The following MYO16 variants were observed in gnomAD, a reference collection of about 807,000 sequenced individuals.
The protein encoded by MYO16 is unconventional myosin-XVI.
A neutral mutation model predicts 205.3 loss-of-function variants in MYO16; 94 were observed. That is an observed-to-expected ratio of 0.46 (90% CI 0.39 to 0.54). MYO16 has a LOEUF of 0.54. MYO16 is among the 20% of genes least tolerant of loss of function. The pLI is 0.00. For synonymous variants in MYO16, 988 were observed against 954.0 expected (o/e 1.04, Z -0.66); for missense variants, 2,315 against 2,387.5 (o/e 0.97, Z 0.63).
At chr13:108,911,920 C>T (rs1340527157) in intron 16 of MYO16, among the ~76,000 whole-genome samples, 1 of 152,164 alleles carries the variant, frequency 6.6e-6, no homozygotes, top group Non-Finnish European at 1.5e-5. Context: ...TGGCTGTGGC[C>T]TGAGCAACAC....
intron 1 of MYO16, among the ~76,000 whole-genome samples, chr13:108,639,981 G>A (rs207474431): frequency 1.3e-5 from 2 of 152,214 alleles, no homozygotes; most frequent in African/African-American, 4.8e-5. Flanking sequence ...GCTTGGGCAT[G>A]CCAAGTCCCA....
chr13:108,560,560 T>C, the MYO16 span, among the ~76,000 whole-genome samples: 1 of 152,222 alleles, frequency 6.6e-6, no homozygotes. Context: ...TTTGCACTTA[T>C]TTCAGATAAC....
At chr13:108,818,801 CA>C (rs1875783998) in intron 7 of MYO16, among the ~76,000 whole-genome samples, 2 of 152,122 alleles carry the variant, frequency 1.3e-5, no homozygotes, top group African/African-American at 4.8e-5. Context: ...GCAAAACTGG[CA>C]AATCCCTAGA....
intron 11 of MYO16, among the ~76,000 whole-genome samples, chr13:108,856,185 T>G (rs1178899576): frequency 6.8e-6 from 1 of 147,434 alleles, no homozygotes; most frequent in Non-Finnish European, 1.5e-5. Context: ...AAAATCAATC[T>G]CTTTCTCTTT....
At chr13:109,152,392 A>G (rs114867075) in intron 32 of MYO16, among the ~76,000 whole-genome samples, 5 of 152,292 alleles carry the variant, frequency 3.3e-5, no homozygotes, top group African/African-American at 9.6e-5. Context: ...AATCACTTAC[A>G]TGTCATTCCA....
chr13:108,783,058 A>G (rs959553346), intron 4 of MYO16, among the ~76,000 whole-genome samples: 19 of 152,078 alleles, frequency 1.2e-4, no homozygotes, highest in African/African-American at 4.3e-4. Flanking sequence ...GAAGATGGCC[A>G]TCATCCTCCA....
At chr13:109,002,330 G>C (rs897996682) in intron 21 of MYO16, among the ~76,000 whole-genome samples, 1 of 152,162 alleles carries the variant, frequency 6.6e-6, no homozygotes, top group Non-Finnish European at 1.5e-5. Flanking sequence ...ACTGAGTAAT[G>C]AAAGTAAAGG....
intron 27 of MYO16, among the ~76,000 whole-genome samples, chr13:109,071,301 G>A (rs1887919203): frequency 6.6e-6 from 1 of 152,038 alleles, no homozygotes; most frequent in Middle Eastern, 3.2e-3. Context: ...TCAAAACTTG[G>A]ATAACTTTAT....
chr13:108,498,922 T>G, the MYO16 span, among the ~76,000 whole-genome samples: 1 of 152,358 alleles, frequency 6.6e-6, no homozygotes, highest in South Asian at 2.1e-4. Context: ...ATTCTGGTCC[T>G]TCTCCTTCTC....
intron 27 of MYO16, among the ~76,000 whole-genome samples, chr13:109,082,835 A>T (rs1225586906): frequency 6.6e-6 from 1 of 152,014 alleles, no homozygotes; most frequent in East Asian, 1.9e-4. Context: ...CAAGCAGAAG[A>T]TAATGGGTTT....
intron 3 of MYO16, among the ~76,000 whole-genome samples, chr13:108,721,854 G>T (rs1160346209): frequency 1.3e-5 from 2 of 152,142 alleles, no homozygotes; most frequent in African/African-American, 4.8e-5. Flanking sequence ...TGGAAATTGG[G>T]CTGGGTTCGC....
chr13:108,761,833 A>G lies in MYO16; in HGVS notation c.508-23802A>G, dbSNP rs138420670. 2.6e-4 allele frequency among the ~76,000 whole-genome samples: 40 copies of G among 152,292 alleles called. No homozygotes were observed. In the East Asian group the frequency reaches 6.8e-3, roughly 26 times the overall value. On this transcript the variant is annotated intron_variant, in intron 4 of 34. Coordinates refer to ENST00000457511, the MANE Select transcript of MYO16 (RefSeq NM_001198950.3). ...TGGGGATTATTTTGTAAATTTAACT[A>G]GACTCTTCTGGTAAGCTGTAAACAT...
In MYO16 at chr13:108,731,121, A is replaced by G. The variant is rs140455708; in HGVS notation, c.507+3538A>G. On this transcript the variant is annotated intron_variant, in intron 4 of 34. Coordinates refer to ENST00000457511, the MANE Select transcript of MYO16 (RefSeq NM_001198950.3). ...TTCTGCCTGGAAAAATTTGATGTAT[A>G]TTCAGTAATTCTTTGTCTAACTAAC... Among the ~76,000 whole-genome samples the G allele has an allele frequency of 1.1e-3, 161 of 152,280 alleles. 6 individuals are homozygous for G. The East Asian group carries it at 0.029, about 27-fold the overall frequency.
intron 4 of MYO16, among the ~76,000 whole-genome samples, chr13:108,739,702 G>C (rs1884833402): frequency 2.0e-5 from 3 of 152,178 alleles, no homozygotes. Context: ...GGTTGGGGAA[G>C]TTCTTCTGGA....
intron 22 of MYO16, among the ~76,000 whole-genome samples, chr13:109,017,098 G>T (rs1234991534): frequency 6.6e-6 from 1 of 152,154 alleles, no homozygotes; most frequent in East Asian, 1.9e-4. Flanking sequence ...AGCAGTGGCT[G>T]GTACTGGTTC....
chr13:108,731,479 C>G (rs1304754506), intron 4 of MYO16, among the ~76,000 whole-genome samples: 1 of 152,168 alleles, frequency 6.6e-6, no homozygotes, highest in East Asian at 1.9e-4. Flanking sequence ...TGCTTTAGCA[C>G]ACAAATCATC....
Position 109,207,547 on chromosome 13 carries a change from G to A in MYO16, c.*711G>A, listed in dbSNP as rs999236839. 3.9e-5 allele frequency: 6 copies of A among 152,244 alleles called. No homozygotes were observed. The highest frequency in any genetic ancestry group is 7.4e-5 in the Non-Finnish European group (5 of 68,014). 9.4% of individuals were successfully genotyped at this position (152,244 alleles called of 1,614,324 possible). ...CATGTTTTAGGTGTTACTCATGGATGAGGAGGCTGTTCTTTCCTATGCCCT... is the reference window on the plus strand; with the variant it reads ...CATGTTTTAGGTGTTACTCATGGATAAGGAGGCTGTTCTTTCCTATGCCCT... On this transcript the variant is annotated 3_prime_UTR_variant, in exon 35 of 35. Transcript: ENST00000457511.
rs779182993 is a variant in MYO16 at position 109,052,363 on chromosome 13, T to C, written c.2936T>C (p.Val979Ala). 6.2e-7 allele frequency: 1 copy of C among 1,613,038 alleles called. No individual in the cohort carries two copies. The highest frequency in any genetic ancestry group is 8.5e-7 in the Non-Finnish European group (1 of 1,179,132). The change falls in exon 25 of 35, where the codon GTA becomes GCA. Residue 979 changes from valine to alanine, a missense_variant. By Grantham distance (64) the Val-to-Ala change is moderately conservative. This residue lies in a region of MYO16 where 1,213 missense variants were observed against 1,274.4 expected (regional missense o/e 0.95). Transcript: ENST00000457511. ...AAATTGTCACAAACAGGATCCCTCGTATCTGCCTATCCTTCCTTTAAATTC... is the reference window on the plus strand; with the variant it reads ...AAATTGTCACAAACAGGATCCCTCGCATCTGCCTATCCTTCCTTTAAATTC... The part of the protein sequence containing the change: ...QSKLSQTGSL[V>A]SAYPSFKFRG...
intron 10 of MYO16, among the ~76,000 whole-genome samples, chr13:108,845,821 A>G (rs1432166897): frequency 1.3e-5 from 2 of 152,070 alleles, no homozygotes. Flanking sequence ...GGCTCTAGTG[A>G]TGCTTCTGCC....
Sources: allele counts gnomAD v4.1 joint callset (sites outside exome capture counted in the v4.1 genomes callset), GRCh38; gene constraint gnomAD v4.1.1; regional missense constraint gnomAD v4.1.1; transcripts MANE v1.5; gene names NCBI Gene and HGNC (gene_info 2026-07-23, HGNC 2026-07-21).